The following AFF1 variants were observed in gnomAD, a reference collection of about 807,000 sequenced individuals.
The protein encoded by AFF1 is AF4/FMR2 family member 1.
AFF1 carries 48 observed loss-of-function variants against 121.7 expected under a neutral mutation model. The ratio of observed to expected loss-of-function variants is 0.39; its 90% CI spans 0.31 to 0.50. AFF1 has a LOEUF of 0.50. Ranked by LOEUF, AFF1 falls within the 20% of genes least tolerant of loss-of-function variation. The pLI is 0.76. For missense variants in AFF1, 1,523 were observed against 1,511.7 expected, an observed-to-expected ratio of 1.01 and a Z score of -0.12; for synonymous variants, 613 against 563.0, an observed-to-expected ratio of 1.09 and a Z score of -1.26.
rs1261830795 is a variant in AFF1, at chr4:87,046,927, T to C, written c.392T>C (p.Leu131Pro). ...QSIHTPASGP[L>P]SVGNISHNPK... Reference sequence around the variant, plus strand: ...ATTCACACTCCTGCGTCTGGACCACTTTCTGTTGGCAACATTAGCCACAAT... The same window carrying C: ...ATTCACACTCCTGCGTCTGGACCACCTTCTGTTGGCAACATTAGCCACAAT... The change falls in exon 4 of 21, where the codon CTT becomes CCT. Residue 131 changes from leucine (L) to proline (P), a missense_variant. Physicochemically the swap from Leu to Pro is moderately conservative, Grantham distance 98. Transcript: ENST00000395146. 2 of 1,614,124 alleles carry C rather than the reference T, an allele frequency of 1.2e-6. No individual in the cohort carries two copies. Among genetic ancestry groups the C allele is most frequent in the Non-Finnish European group, 1.7e-6 (2 of 1,180,046 alleles).
chr4:87,036,682 C>T, intron 2 of AFF1: 1 of 339,410 alleles, frequency 2.9e-6, no homozygotes, highest in Non-Finnish European at 5.8e-6. Flanking sequence ...AAAAATACCT[C>T]TCAAAATAGA....
At chr4:86,948,443 C>T in intron 1 of AFF1, 55 bp from the exon 2 acceptor site, 2 of 1,207,736 alleles carry the variant, frequency 1.7e-6, no homozygotes, top group Non-Finnish European at 2.3e-6. Context: ...TCATGCGTAT[C>T]CCTGAATTTA....
chr4:87,050,656 A>T (rs1011711771), intron 4 of AFF1, among the ~76,000 whole-genome samples: 4 of 152,176 alleles, frequency 2.6e-5, no homozygotes, highest in Non-Finnish European at 4.4e-5. Flanking sequence ...TCGGTTTCCG[A>T]CTAGAGGCCT....
chr4:86,949,912 C>G (rs1721177613), intron 2 of AFF1: 2 of 1,613,976 alleles, frequency 1.2e-6, no homozygotes, highest in Non-Finnish European at 1.7e-6. Flanking sequence ...GGTATGGGAT[C>G]TTCCGCGTCT....
chr4:86,976,961 G>C (rs1723348829), intron 2 of AFF1, among the ~76,000 whole-genome samples: 1 of 152,212 alleles, frequency 6.6e-6, no homozygotes, highest in Admixed American at 6.5e-5. Context: ...GAAATTCTTG[G>C]AACAATGTCT....
chr4:87,028,596 T>TGA (rs1399831864), intron 2 of AFF1, among the ~76,000 whole-genome samples: 2 of 152,198 alleles, frequency 1.3e-5, no homozygotes, highest in Non-Finnish European at 1.5e-5. Context: ...TTAAATTCCT[T>TGA]GAGGTCTCAG....
chr4:87,123,918 G>A (rs964996620), intron 12 of AFF1, among the ~76,000 whole-genome samples: 6 of 152,272 alleles, frequency 3.9e-5, no homozygotes, highest in Middle Eastern at 3.4e-3. Context: ...TTCTAACTTG[G>A]TGACCTGACA....
chr4:87,068,353 G>A lies in AFF1; in HGVS notation c.1060-15767G>A, dbSNP rs543858636. Among the ~76,000 whole-genome samples the A allele has an allele frequency of 5.4e-5, 8 of 148,468 alleles. No individual in the cohort carries two copies. The South Asian group carries it at 1.7e-3, about 31-fold the overall frequency. ...GCCTTGTGATAGAATTAATTCTAAAGGAAATTGTTAACTAGATGAGATTTT... is the reference window on the plus strand; with the variant it reads ...GCCTTGTGATAGAATTAATTCTAAAAGAAATTGTTAACTAGATGAGATTTT... On this transcript the variant is annotated intron_variant, in intron 4 of 20. Coordinates refer to ENST00000395146, the MANE Select transcript of AFF1 (RefSeq NM_001166693.3).
intron 4 of AFF1, among the ~76,000 whole-genome samples, chr4:87,082,334 T>C (rs1298920818): frequency 6.6e-6 from 1 of 152,216 alleles, no homozygotes; most frequent in Non-Finnish European, 1.5e-5. Flanking sequence ...CACAAATGTT[T>C]GGTCCAGTTT....
chr4:87,015,469 C>T (rs151329826), intron 2 of AFF1, among the ~76,000 whole-genome samples: 3 of 152,300 alleles, frequency 2.0e-5, no homozygotes, highest in African/African-American at 7.2e-5. Context: ...AGATTGTCTG[C>T]TTATCTTGTG....
intron 2 of AFF1, among the ~76,000 whole-genome samples, chr4:86,954,473 G>C (rs1006446686): frequency 2.0e-5 from 3 of 152,318 alleles, no homozygotes; most frequent in African/African-American, 7.2e-5. Context: ...TGTAATCCCA[G>C]CACTTTGAGA....
chr4:86,971,856 G>A (rs1403720643), intron 2 of AFF1, among the ~76,000 whole-genome samples: 1 of 152,172 alleles, frequency 6.6e-6, no homozygotes, highest in Non-Finnish European at 1.5e-5. Flanking sequence ...TTGAAGGGGC[G>A]CTGGGTAGGT....
intron 2 of AFF1, among the ~76,000 whole-genome samples, chr4:87,022,206 C>CAAAAAAAAAAAAAAAAAA (rs11296179): frequency 1.3e-5 from 1 of 76,058 alleles, no homozygotes; most frequent in Non-Finnish European, 2.4e-5. Context: ...GACTCCATCT[C>CAAAAAAAAAAAAAAAAAA]AAAAAAAAAA....
intron 2 of AFF1, among the ~76,000 whole-genome samples, chr4:87,005,212 T>TA (rs1560532724): frequency 6.6e-6 from 1 of 152,200 alleles, no homozygotes; most frequent in African/African-American, 2.4e-5. Context: ...CTCCTGAGCT[T>TA]AAGCGATCTG....
At chr4:87,115,372 G>C in intron 12 of AFF1, 73 bp downstream of exon 12, 1 of 1,406,624 alleles carries the variant, frequency 7.1e-7, no homozygotes, top group Non-Finnish European at 9.4e-7. Context: ...TCTTTGATCG[G>C]CCTTTGATTT....
chr4:87,049,633 T>G, intron 4 of AFF1: 1 of 456,276 alleles, frequency 2.2e-6, no homozygotes, highest in Middle Eastern at 3.3e-4. Flanking sequence ...AGTAAACCTT[T>G]CATCTGCAGC....
chr4:87,011,923 T>C (rs1726805470), intron 2 of AFF1, among the ~76,000 whole-genome samples: 1 of 152,244 alleles, frequency 6.6e-6, no homozygotes, highest in South Asian at 2.1e-4. Context: ...CTGGATTTTA[T>C]ACCATACCGT....
At position 86,957,410 on chromosome 4, in the gene AFF1, G is replaced by A. The variant is rs78051727; in HGVS notation, c.38+8839G>A. On this transcript the variant is annotated intron_variant, in intron 2 of 20. Coordinates refer to ENST00000395146, the MANE Select transcript of AFF1 (RefSeq NM_001166693.3). ...TCAAAATCTGAGTCATGTTTTCTAT[G>A]CTCTGTAAGGTATTCATATCAGTAG... Among the ~76,000 whole-genome samples the A allele has an allele frequency of 1.1e-3, 161 of 152,278 alleles. No individual in the cohort carries two copies. In the East Asian group the frequency reaches 0.028, roughly 26 times the overall value.
At position 87,127,664 on chromosome 4, in the gene AFF1, G is replaced by C; in HGVS notation, c.2925G>C (p.Met975Ile). ...KFDKQQADLH[M>I]REAKKMKQKA... The stretch of plus-strand genomic sequence containing the variant: ...TCAGACAACAAGCAGACCTTCACAT[G>C]AGGGAGGCAAAAAAGATGAAGCAGA... Residue 975 changes from methionine (M) to isoleucine (I), a missense_variant, in exon 16 of 21, where the codon ATG becomes ATC. Around this residue, in one of 5 missense-constraint regions of AFF1, gnomAD observed 905 missense variants for 842.5 expected, o/e 1.07. Coordinates refer to ENST00000395146, the MANE Select transcript of AFF1 (RefSeq NM_001166693.3). The C allele has an allele frequency of 6.2e-7, 1 of 1,614,074 alleles. No individual in the cohort carries two copies. Among genetic ancestry groups the C allele is most frequent in the Non-Finnish European group, 8.5e-7 (1 of 1,180,020 alleles).
Sources: allele counts gnomAD v4.1 joint callset (sites outside exome capture counted in the v4.1 genomes callset), GRCh38; gene constraint gnomAD v4.1.1; regional missense constraint gnomAD v4.1.1; transcripts MANE v1.5; gene names NCBI Gene and HGNC (gene_info 2026-07-23, HGNC 2026-07-21).